The following LEMD3 variants were observed in gnomAD, a reference collection of about 807,000 sequenced individuals.
LEMD3 encodes inner nuclear membrane protein Man1.
In LEMD3, 33 loss-of-function variants were observed where a neutral mutation model predicts 95.2. The ratio of observed to expected loss-of-function variants is 0.35; its 90% CI spans 0.26 to 0.46. The LOEUF (loss-of-function observed/expected upper bound fraction) is 0.46, where lower values mean the gene tolerates loss of function less well. Ranked by LOEUF, LEMD3 falls within the 20% of genes least tolerant of loss-of-function variation. The pLI is 1.00. For synonymous variants in LEMD3, 525 were observed against 474.6 expected, an observed-to-expected ratio of 1.11 and a Z score of -1.38; for missense variants, 1,210 against 1,192.8, an observed-to-expected ratio of 1.01 and a Z score of -0.21.
In LEMD3 at chr12:65,239,941, T is replaced by C. The variant is rs1403339235; in HGVS notation, c.1934T>C (p.Val645Ala). ...ATTAATATTACAGGTGTAGTGATGG[T>C]TTGTGTCGTTCTGCGTTACATGAAA... ...LLLLCLGVVMVCVVLRYMKYR... is the reference protein window; with the variant it reads ...LLLLCLGVVMACVVLRYMKYR... Residue 645 changes from valine (V) to alanine (A), a missense_variant, in exon 7 of 13, where the codon GTT (valine) becomes GCT (alanine). Coordinates refer to ENST00000308330, the MANE Select transcript of LEMD3 (RefSeq NM_014319.5). 1 of 1,608,148 alleles carries C rather than the reference T, an allele frequency of 6.2e-7. No homozygotes were observed. The highest frequency in any genetic ancestry group is 1.3e-5 in the African/African-American group (1 of 74,890).
At chr12:65,243,280 C>A in intron 9 of LEMD3, 108 bp from the exon 10 acceptor site, 1 of 739,880 alleles carries the variant, frequency 1.4e-6, no homozygotes, top group Non-Finnish European at 2.5e-6. Context: ...AGGGGTCTGG[C>A]TCCTAGTAAA....
intron 1 of LEMD3, among the ~76,000 whole-genome samples, chr12:65,182,938 G>A (rs998459801): frequency 6.6e-6 from 1 of 152,122 alleles, no homozygotes; most frequent in African/African-American, 2.4e-5. Context: ...GTGGGAAGAT[G>A]ACATGTGTCC....
chr12:65,187,354 G>T (rs1033962503), intron 1 of LEMD3, among the ~76,000 whole-genome samples: 3 of 152,080 alleles, frequency 2.0e-5, no homozygotes, highest in African/African-American at 7.2e-5. Flanking sequence ...CTGTGCTTGT[G>T]TGTGTGCCTC....
intron 1 of LEMD3, among the ~76,000 whole-genome samples, chr12:65,175,259 CTAATTTTAAGTACAGAGGTA>C (rs1868680726): frequency 6.6e-6 from 1 of 152,124 alleles, no homozygotes; most frequent in Non-Finnish European, 1.5e-5. Context: ...TTTCCATATA[CTAATTTTAAGTACAGAGGTA>C]TAATTTTAAA....
intron 1 of LEMD3, among the ~76,000 whole-genome samples, chr12:65,188,795 C>T (rs74101715): frequency 0.039 from 5,946 of 152,172 alleles, 389 homozygotes; most frequent in African/African-American, 0.14. Flanking sequence ...GTATTCCTTT[C>T]TTGTTCATCT....
Position 65,240,192 on chromosome 12 carries a change from A to G in LEMD3, c.2080A>G (p.Met694Val), listed in dbSNP as rs1368706464. ...CQENKDLQPY[M>V]PIPHVRDSLI... ...GGAAAACAAAGATTTACAACCTTAC[A>G]TGCCTATTCCACATGTACGCGATTC... The change falls in exon 8 of 13, where the codon ATG becomes GTG. Residue 694 changes from methionine (M) to valine (V), a missense_variant. Physicochemically the swap from Met to Val is conservative, Grantham distance 21. Around this residue, in one of 2 missense-constraint regions of LEMD3, gnomAD observed 461 missense variants for 569.8 expected, o/e 0.81. Transcript: ENST00000308330. 2 of 1,613,900 alleles carry G rather than the reference A, an allele frequency of 1.2e-6. No homozygotes were observed. The highest frequency in any genetic ancestry group is 1.7e-6 in the Non-Finnish European group (2 of 1,179,830).
At chr12:65,193,506 C>T (rs1869309393) in intron 1 of LEMD3, among the ~76,000 whole-genome samples, 1 of 152,026 alleles carries the variant, frequency 6.6e-6, no homozygotes, top group Non-Finnish European at 1.5e-5. Context: ...TCACATGTCC[C>T]TGGAAGGTCA....
rs577233936 is a variant in LEMD3, at chr12:65,230,878, T to C, written c.1696-7624T>C. 7.2e-5 allele frequency among the ~76,000 whole-genome samples: 11 copies of C among 152,342 alleles called. No individual in the cohort carries two copies. The South Asian group carries it at 8.3e-4, about 11-fold the overall frequency. Reference sequence around the variant, plus strand: ...AGCTTTTTCTCATTCAGTATGCTGTTGGCTGTGGGTTTGCCATATATGGCC... The same window carrying C: ...AGCTTTTTCTCATTCAGTATGCTGTCGGCTGTGGGTTTGCCATATATGGCC... On this transcript the variant is annotated intron_variant, in intron 4 of 12. Transcript: ENST00000308330.
rs1346714749 is a variant in LEMD3, at chr12:65,170,049, G to A, written c.453G>A (p.Arg151=). Reference sequence around the variant, plus strand: ...AGTCGGACGTGGAGGCCAGTCCCCGGGACCAGGCCGGCGGCGGCGGGAGGA... The same window carrying A: ...AGTCGGACGTGGAGGCCAGTCCCCGAGACCAGGCCGGCGGCGGCGGGAGGA... ...SDESDVEASP[R]DQAGGGGRKD... The change falls in exon 1 of 13, where the codon CGG becomes CGA. Residue 151 remains arginine, a synonymous_variant. Transcript: ENST00000308330. 1 of 1,516,760 alleles carries A rather than the reference G, an allele frequency of 6.6e-7. No homozygotes were observed. The highest frequency in any genetic ancestry group is 2.5e-5 in the East Asian group (1 of 40,460). 94.0% of individuals were successfully genotyped at this position (1,516,760 alleles called of 1,614,324 possible). A position where few individuals can be genotyped will look rare whatever the true frequency, so the allele number is the denominator to read the frequency against.
At chr12:65,185,305 C>G (rs1264668365) in intron 1 of LEMD3, among the ~76,000 whole-genome samples, 1 of 152,092 alleles carries the variant, frequency 6.6e-6, no homozygotes, top group Admixed American at 6.6e-5. Context: ...CTAAATTGTT[C>G]TTTATCCTTA....
At chr12:65,207,258 GGAGA>G (rs1869792065) in intron 1 of LEMD3, among the ~76,000 whole-genome samples, 1 of 152,054 alleles carries the variant, frequency 6.6e-6, no homozygotes, top group Non-Finnish European at 1.5e-5. Flanking sequence ...TGCTATTCTA[GGAGA>G]CCATAGTATG....
At chr12:65,199,856 C>T (rs1014685015) in intron 1 of LEMD3, among the ~76,000 whole-genome samples, 1 of 151,970 alleles carries the variant, frequency 6.6e-6, no homozygotes, top group Non-Finnish European at 1.5e-5. Flanking sequence ...AAACTGTCTT[C>T]CAAAGTTGGC....
intron 1 of LEMD3, among the ~76,000 whole-genome samples, chr12:65,209,171 C>G (rs1320071879): frequency 2.6e-5 from 4 of 152,224 alleles, no homozygotes; most frequent in Admixed American, 2.6e-4. Context: ...CGCTCCCTGT[C>G]TTGAGAAGCC....
intron 1 of LEMD3, 122 bp downstream of exon 1, chr12:65,171,240 G>A: frequency 2.6e-6 from 4 of 1,523,492 alleles, no homozygotes; most frequent in Non-Finnish European, 8.8e-7. Context: ...CAGCAAAAAC[G>A]CAACAGTGCG....
At chr12:65,201,896 T>A (rs1869610845) in intron 1 of LEMD3, among the ~76,000 whole-genome samples, 1 of 152,128 alleles carries the variant, frequency 6.6e-6, no homozygotes, top group African/African-American at 2.4e-5. Context: ...CCATTAAGCA[T>A]GTGTAAACTG....
At chr12:65,212,891 C>T (rs1441794436) in intron 2 of LEMD3, among the ~76,000 whole-genome samples, 1 of 152,194 alleles carries the variant, frequency 6.6e-6, no homozygotes, top group Non-Finnish European at 1.5e-5. Flanking sequence ...AGAGTGTAAT[C>T]AAACTGTAAA....
At chr12:65,195,736 G>A (rs1358566514) in intron 1 of LEMD3, among the ~76,000 whole-genome samples, 1 of 152,132 alleles carries the variant, frequency 6.6e-6, no homozygotes, top group Non-Finnish European at 1.5e-5. Context: ...GGTAAAGCTA[G>A]TTATATAGGT....
chr12:65,176,171 A>G (rs780745668), intron 1 of LEMD3, among the ~76,000 whole-genome samples: 2 of 152,204 alleles, frequency 1.3e-5, no homozygotes, highest in African/African-American at 2.4e-5. Context: ...TAAAGCACAA[A>G]TGTGATCATT....
chr12:65,202,128 C>T (rs115767326), intron 1 of LEMD3, among the ~76,000 whole-genome samples: 4,004 of 151,266 alleles, frequency 0.026, 208 homozygotes, highest in African/African-American at 0.093. Flanking sequence ...TCTCCTGCTT[C>T]GAGTAGTTGG....
Sources: gnomAD v4.1 joint callset for allele counts (sites outside exome capture counted in the v4.1 genomes callset) on GRCh38, gnomAD v4.1.1 for gene constraint, gnomAD v4.1.1 regional missense constraint, MANE v1.5 for transcripts, NCBI Gene and HGNC (gene_info 2026-07-23, HGNC 2026-07-21) for gene names.